The following STIP1 variants were observed in gnomAD, a reference collection of about 807,000 sequenced individuals.
STIP1 encodes stress-induced-phosphoprotein 1.
Under a neutral mutation model 77.4 loss-of-function variants are expected in STIP1, and 16 were observed. That is an observed-to-expected ratio of 0.21 (90% CI 0.14 to 0.31). The LOEUF (loss-of-function observed/expected upper bound fraction) is 0.31. Among genes scored for constraint, STIP1 ranks in the 10% least tolerant of loss-of-function variants. The pLI is 1.00. For missense variants in STIP1, 524 were observed against 684.8 expected (o/e 0.77, Z 2.62); for synonymous variants, 258 against 246.6 (o/e 1.05, Z -0.44).
At chr11:64,185,517 G>T, upstream of STIP1, 3 of 396,890 alleles carry the variant, frequency 7.6e-6, no homozygotes, top group South Asian at 9.3e-5. Flanking sequence ...GCGCTCGAGG[G>T]ACAGGCAGCT....
chr11:64,204,166 AAG>A lies in STIP1; in HGVS notation c.*43_*44del. On this transcript the variant is annotated 3_prime_UTR_variant, in exon 14 of 14. Coordinates refer to ENST00000305218, the MANE Select transcript of STIP1 (RefSeq NM_006819.3). ...CCCCTTCCCTTCGCCCTCATGTGGA[AAG>A]AGGAGCTGGGACCGCGGCGAGCAGC... 1 of 1,611,416 alleles carries A rather than the reference AAG, an allele frequency of 6.2e-7. No individual in the cohort carries two copies. The highest frequency in any genetic ancestry group is 8.5e-7 in the Non-Finnish European group (1 of 1,177,990).
intron 1 of STIP1, among the ~76,000 whole-genome samples, chr11:64,187,298 C>T (rs1043483385): frequency 1.3e-5 from 2 of 152,076 alleles, no homozygotes; most frequent in African/African-American, 4.8e-5. Context: ...CTCCAAGAAA[C>T]CTCTACCAAC....
chr11:64,189,345 C>T (rs894813777), intron 1 of STIP1, among the ~76,000 whole-genome samples: 16 of 151,232 alleles, frequency 1.1e-4, no homozygotes, highest in African/African-American at 3.9e-4. Context: ...TGGGTAACAG[C>T]GAGACTCCGT....
intron 5 of STIP1, chr11:64,197,061 G>A (rs1210425441): frequency 4.9e-6 from 3 of 615,256 alleles, no homozygotes; most frequent in Non-Finnish European, 8.3e-6. Context: ...GTGGAAAAGG[G>A]GGAGTTTCAG....
intron 1 of STIP1, among the ~76,000 whole-genome samples, chr11:64,191,857 A>C (rs60035683): frequency 1.0e-3 from 153 of 151,758 alleles, no homozygotes; most frequent in African/African-American, 3.6e-3. Context: ...TCACACTTGG[A>C]GGGTTGCACA....
At chr11:64,191,187 C>CAAAAAA (rs756671182) in intron 1 of STIP1, among the ~76,000 whole-genome samples, 1 of 73,456 alleles carries the variant, frequency 1.4e-5, no homozygotes, top group Non-Finnish European at 2.6e-5. Context: ...AACTCTGTCT[C>CAAAAAA]AAAAAAAAAA....
rs199618465 is a variant in STIP1 at position 64,204,171 on chromosome 11, G to T, written c.*45G>T. 23 of 1,607,694 alleles carry T rather than the reference G, an allele frequency of 1.4e-5. No individual in the cohort carries two copies. The highest frequency in any genetic ancestry group is 1.7e-4 in the Middle Eastern group (1 of 6,022). Reference sequence around the variant, plus strand: ...TCCCTTCGCCCTCATGTGGAAAGAGGAGCTGGGACCGCGGCGAGCAGCACG... The same window carrying T: ...TCCCTTCGCCCTCATGTGGAAAGAGTAGCTGGGACCGCGGCGAGCAGCACG... On this transcript the variant is annotated 3_prime_UTR_variant, in exon 14 of 14. Coordinates refer to ENST00000305218, the MANE Select transcript of STIP1 (RefSeq NM_006819.3).
intron 1 of STIP1, among the ~76,000 whole-genome samples, chr11:64,191,033 C>T (rs1400481587): frequency 6.6e-6 from 1 of 151,942 alleles, no homozygotes; most frequent in African/African-American, 2.4e-5. Flanking sequence ...ACTAAAAATA[C>T]AAAATTAGAC....
At chr11:64,195,989 G>A in intron 5 of STIP1, 176 bp downstream of exon 5, 2 of 814,690 alleles carry the variant, frequency 2.5e-6, no homozygotes, top group South Asian at 1.8e-5. Flanking sequence ...CGATGCTCCT[G>A]CTTCAGCTAG....
intron 10 of STIP1, among the ~76,000 whole-genome samples, chr11:64,200,646 TC>T (rs1946209364): frequency 6.6e-6 from 1 of 151,696 alleles, no homozygotes; most frequent in South Asian, 2.1e-4. Flanking sequence ...GGGACCTGTA[TC>T]TATCTAACTG....
chr11:64,194,712 C>T (rs1946129319), intron 4 of STIP1, 92 bp downstream of exon 4: 1 of 1,493,112 alleles, frequency 6.7e-7, no homozygotes, highest in Non-Finnish European at 9.0e-7. Flanking sequence ...CTGGTCTAAA[C>T]TGCAGAGTTT....
intron 1 of STIP1, among the ~76,000 whole-genome samples, chr11:64,187,081 T>G (rs1024067598): frequency 1.3e-5 from 2 of 152,030 alleles, no homozygotes; most frequent in African/African-American, 4.8e-5. Flanking sequence ...CGGGGGTGGT[T>G]GTAGACAATT....
At chr11:64,193,008 G>A (rs2134789840) in intron 1 of STIP1, 70 bp from the exon 2 acceptor site, 1 of 1,424,912 alleles carries the variant, frequency 7.0e-7, no homozygotes, top group Non-Finnish European at 9.8e-7. Context: ...ATGAAAGAAT[G>A]AGTGTTGTCT....
chr11:64,194,607 T>C lies in STIP1; in HGVS notation c.490T>C (p.Ser164Pro). The change falls in exon 4 of 14, where the codon TCT becomes CCT. Residue 164 changes from serine (S) to proline (P), a missense_variant. By Grantham distance (74) the Ser-to-Pro change is moderately conservative. Coordinates refer to ENST00000305218, the MANE Select transcript of STIP1 (RefSeq NM_006819.3). ...GATAGAGCAGCTACGAAACAAGCCTTCTGACCTGGGCACGTAAGTGGACGC... is the reference window on the plus strand; with the variant it reads ...GATAGAGCAGCTACGAAACAAGCCTCCTGACCTGGGCACGTAAGTGGACGC... ...ELIEQLRNKP[S>P]DLGTKLQDPR... is the part of the protein sequence containing the mutation. 1 of 1,613,992 alleles carries C rather than the reference T, an allele frequency of 6.2e-7. No homozygotes were observed. The highest frequency in any genetic ancestry group is 8.5e-7 in the Non-Finnish European group (1 of 1,179,902).
At chr11:64,201,943 A>C (rs1946223189) in intron 10 of STIP1, among the ~76,000 whole-genome samples, 1 of 152,266 alleles carries the variant, frequency 6.6e-6, no homozygotes, top group South Asian at 2.1e-4. Flanking sequence ...AAAGAGAAGA[A>C]TACATAGTGA....
At chr11:64,190,756 A>G (rs571775155) in intron 1 of STIP1, among the ~76,000 whole-genome samples, 1 of 152,284 alleles carries the variant, frequency 6.6e-6, no homozygotes, top group East Asian at 1.9e-4. Flanking sequence ...CACCTTTGGG[A>G]GACTGAGGCA....
intron 1 of STIP1, among the ~76,000 whole-genome samples, chr11:64,190,001 C>CTT (rs149110413): frequency 0.16 from 23,319 of 147,316 alleles, 2,132 homozygotes; most frequent in Admixed American, 0.27. Flanking sequence ...AATCATTTCT[C>CTT]TCTTTTTTTT....
At chr11:64,186,823 C>T (rs1205934207) in intron 1 of STIP1, among the ~76,000 whole-genome samples, 1 of 152,192 alleles carries the variant, frequency 6.6e-6, no homozygotes, top group Non-Finnish European at 1.5e-5. Context: ...TGTTACTCTT[C>T]TACATCTGAG....
chr11:64,197,603 C>G lies in STIP1; in HGVS notation c.902+8C>G. 6.2e-7 allele frequency: 1 copy of G among 1,613,968 alleles called. No homozygotes were observed. On this transcript the variant is annotated splice_region_variant and intron_variant, in intron 7 of 13. Coordinates refer to ENST00000305218, the MANE Select transcript of STIP1 (RefSeq NM_006819.3). ...CTATCGACAGATTGCCAAGTAGGCT[C>G]AACCTTCCAGAATACCTTGAGTAGC...
Sources: gnomAD v4.1 joint callset for allele counts (sites outside exome capture counted in the v4.1 genomes callset) on GRCh38, gnomAD v4.1.1 for gene constraint, MANE v1.5 for transcripts, NCBI Gene and HGNC (gene_info 2026-07-23, HGNC 2026-07-21) for gene names.